The following CHSY3 variants were observed in gnomAD, a reference collection of about 807,000 sequenced individuals.
CHSY3 encodes the protein N-acetylgalactosaminyl-proteoglycan 3-beta-glucuronosyltransferase 3.
In CHSY3, 35 loss-of-function variants were observed where a neutral mutation model predicts 67.2. The ratio of observed to expected loss-of-function variants is 0.52; its 90% CI spans 0.40 to 0.69. The LOEUF is 0.69. Ranked by LOEUF, CHSY3 falls within the 30% of genes least tolerant of loss-of-function variation. The pLI, the probability that CHSY3 is intolerant of heterozygous loss-of-function variation, is 0.00. For synonymous variants in CHSY3, 474 were observed against 434.7 expected, an observed-to-expected ratio of 1.09 and a Z score of -1.12; for missense variants, 1,069 against 1,138.5, an observed-to-expected ratio of 0.94 and a Z score of 0.88.
At chr5:130,092,409 T>G (rs561680980) in intron 2 of CHSY3, among the ~76,000 whole-genome samples, 3 of 152,278 alleles carry the variant, frequency 2.0e-5, no homozygotes, top group Admixed American at 2.0e-4. Flanking sequence ...CATCATAGTC[T>G]TGAGTTGGAA....
At chr5:130,148,660 C>CT (rs548782920) in intron 2 of CHSY3, among the ~76,000 whole-genome samples, 180 of 152,204 alleles carry the variant, frequency 1.2e-3, no homozygotes, top group African/African-American at 4.1e-3. Context: ...TGTTGTTGAG[C>CT]TTTTTTCATA....
intron 2 of CHSY3, among the ~76,000 whole-genome samples, chr5:129,980,297 C>A (rs1762945250): frequency 6.6e-6 from 1 of 152,168 alleles, no homozygotes; most frequent in Non-Finnish European, 1.5e-5. Flanking sequence ...AGTAGTATCT[C>A]ATTCTTGTTT....
At chr5:130,128,985 T>C (rs1768392872) in intron 2 of CHSY3, among the ~76,000 whole-genome samples, 1 of 152,032 alleles carries the variant, frequency 6.6e-6, no homozygotes. Flanking sequence ...CTCAATGTTA[T>C]GGCTATTGTA....
In CHSY3 at chr5:130,184,686, G is replaced by C; in HGVS notation, c.1544G>C (p.Arg515Pro). ...AATGAGAATGCCAAGAGCAGAGGAC[G>C]GCTCATTGACTTCAAGGAAATTCAG... Reference protein sequence around the residue: ...MINENAKSRGRLIDFKEIQYG... With the variant: ...MINENAKSRGPLIDFKEIQYG... The change falls in exon 3 of 3, where the codon CGG becomes CCG. Residue 515 changes from arginine to proline, a missense_variant. Arg to Pro is a moderately radical substitution (Grantham distance 103). Coordinates refer to ENST00000305031, the MANE Select transcript of CHSY3 (RefSeq NM_175856.5). The C allele has an allele frequency of 6.2e-7, 1 of 1,606,920 alleles. No individual in the cohort carries two copies. The highest frequency in any genetic ancestry group is 1.1e-5 in the South Asian group (1 of 90,932).
At chr5:130,046,945 A>C (rs574833870) in intron 2 of CHSY3, among the ~76,000 whole-genome samples, 3 of 151,776 alleles carry the variant, frequency 2.0e-5, no homozygotes, top group African/African-American at 7.2e-5. Context: ...CTTAATATAA[A>C]TTGTTAAAAT....
chr5:129,964,087 A>G (rs1161330259), intron 2 of CHSY3, among the ~76,000 whole-genome samples: 1 of 151,908 alleles, frequency 6.6e-6, no homozygotes, highest in African/African-American at 2.4e-5. Flanking sequence ...ATGGGCATCA[A>G]GGAAGTCTGT....
intron 2 of CHSY3, among the ~76,000 whole-genome samples, chr5:129,936,329 G>A (rs558888204): frequency 2.1e-3 from 326 of 152,174 alleles, no homozygotes; most frequent in African/African-American, 7.0e-3. Flanking sequence ...TTTTTAAAAA[G>A]GATCTTGTGC....
chr5:130,012,689 A>T (rs1029344188), intron 2 of CHSY3, among the ~76,000 whole-genome samples: 2 of 152,028 alleles, frequency 1.3e-5, no homozygotes, highest in Non-Finnish European at 2.9e-5. Flanking sequence ...CCACAAACTA[A>T]TCACTTCCCA....
At chr5:130,051,589 G>A (rs961867631) in intron 2 of CHSY3, among the ~76,000 whole-genome samples, 1 of 151,998 alleles carries the variant, frequency 6.6e-6, no homozygotes, top group African/African-American at 2.4e-5. Flanking sequence ...CTGGGGGATG[G>A]GACAGGGACA....
At chr5:130,142,665 A>C (rs1669767640) in intron 2 of CHSY3, among the ~76,000 whole-genome samples, 1 of 152,192 alleles carries the variant, frequency 6.6e-6, no homozygotes, top group South Asian at 2.1e-4. Context: ...AATTGTTTCT[A>C]AGCAAAAATT....
At chr5:130,181,549 G>A (rs1770244475) in intron 2 of CHSY3, among the ~76,000 whole-genome samples, 2 of 151,980 alleles carry the variant, frequency 1.3e-5, no homozygotes. Context: ...GCATATATAT[G>A]CATACTTTCA....
chr5:129,965,747 T>C (rs180855018), intron 2 of CHSY3, among the ~76,000 whole-genome samples: 228 of 152,078 alleles, frequency 1.5e-3, no homozygotes, highest in African/African-American at 5.4e-3. Flanking sequence ...AATTATTCTT[T>C]GCAGCAATAG....
intron 2 of CHSY3, among the ~76,000 whole-genome samples, chr5:130,134,979 C>T (rs957705453): frequency 1.3e-5 from 2 of 151,676 alleles, no homozygotes; most frequent in Non-Finnish European, 2.9e-5. Context: ...TCTTATCTTT[C>T]GAGACATATT....
chr5:129,936,572 T>C (rs1044876519), intron 2 of CHSY3, among the ~76,000 whole-genome samples: 3 of 152,174 alleles, frequency 2.0e-5, no homozygotes, highest in Non-Finnish European at 4.4e-5. Flanking sequence ...TTTCTCCATG[T>C]CACCAGCTTG....
chr5:130,014,803 A>C (rs1764170443), intron 2 of CHSY3, among the ~76,000 whole-genome samples: 1 of 152,172 alleles, frequency 6.6e-6, no homozygotes, highest in Non-Finnish European at 1.5e-5. Context: ...CCCAGCAAAA[A>C]TTTCATGACA....
chr5:130,020,692 C>G (rs1317638488), intron 2 of CHSY3, among the ~76,000 whole-genome samples: 1 of 151,790 alleles, frequency 6.6e-6, no homozygotes, highest in African/African-American at 2.4e-5. Context: ...TTCTGGGAGT[C>G]TAGCCTAGGA....
At chr5:130,175,807 AGAAAACTGAAACTGGAC>A (rs1770030403) in intron 2 of CHSY3, among the ~76,000 whole-genome samples, 1 of 152,228 alleles carries the variant, frequency 6.6e-6, no homozygotes, top group Non-Finnish European at 1.5e-5. Context: ...ACCCATATGC[AGAAAACTGAAACTGGAC>A]CCCTTCCTTA....
At chr5:130,102,892 GA>G (rs1164499379) in intron 2 of CHSY3, among the ~76,000 whole-genome samples, 1 of 151,932 alleles carries the variant, frequency 6.6e-6, no homozygotes, top group Non-Finnish European at 1.5e-5. Context: ...GTTCTCTAAG[GA>G]AAGACCATAT....
intron 2 of CHSY3, among the ~76,000 whole-genome samples, chr5:130,103,500 T>C (rs1407918146): frequency 2.6e-5 from 4 of 152,020 alleles, no homozygotes; most frequent in African/African-American, 9.7e-5. Context: ...ATCTTCTTTT[T>C]ATGTTTTGTT....
Sources: gnomAD v4.1 joint callset for allele counts (sites outside exome capture counted in the v4.1 genomes callset) on GRCh38, gnomAD v4.1.1 for gene constraint, MANE v1.5 for transcripts, NCBI Gene and HGNC (gene_info 2026-07-23, HGNC 2026-07-21) for gene names.